ZNF292: variants seen among roughly 807,000 people sequenced by gnomAD.
The protein encoded by ZNF292 is 16 zinc-finger domain protein.
In ZNF292, 26 loss-of-function variants were observed where a neutral mutation model predicts 217.9. That is an observed-to-expected ratio of 0.12 (90% CI 0.09 to 0.17). The LOEUF is 0.17. Among genes scored for constraint, ZNF292 ranks in the 10% least tolerant of loss-of-function variants. The pLI is 1.00. For missense variants in ZNF292, 2,904 were observed against 3,175.2 expected, an observed-to-expected ratio of 0.91 and a Z score of 2.05; for synonymous variants, 1,257 against 1,124.1, an observed-to-expected ratio of 1.12 and a Z score of -2.37.
chr6:87,246,252 A>G (rs1774577146), intron 7 of ZNF292, among the ~76,000 whole-genome samples: 1 of 152,248 alleles, frequency 6.6e-6, no homozygotes, highest in African/African-American at 2.4e-5. Flanking sequence ...CAAACGAACA[A>G]AAAAAGAAAT....
In ZNF292 at chr6:87,261,720, T is replaced by G. The variant is rs1333947515; in HGVS notation, c.8091T>G (p.Leu2697=). 4 of 1,612,990 alleles carry G rather than the reference T, an allele frequency of 2.5e-6. No individual in the cohort carries two copies. Among genetic ancestry groups the G allele is most frequent in the Non-Finnish European group, 3.4e-6 (4 of 1,179,364 alleles). ...EMKPTVSLKK[L]EVHSNDPDMS... ...AACCTACCGTCAGTCTGAAAAAACTTGAAGTACATTCAAATGATCCAGATA... is the reference window on the plus strand; with the variant it reads ...AACCTACCGTCAGTCTGAAAAAACTGGAAGTACATTCAAATGATCCAGATA... The change falls in exon 8 of 8, where the codon CTT becomes CTG. Residue 2697 remains leucine, a synonymous_variant. Coordinates refer to ENST00000369577, the MANE Select transcript of ZNF292 (RefSeq NM_015021.3).
chr6:87,234,581 T>TAAAAAAAAAA (rs1773809720), intron 5 of ZNF292, among the ~76,000 whole-genome samples: 7 of 151,870 alleles, frequency 4.6e-5, no homozygotes, highest in African/African-American at 1.7e-4. Context: ...AAATTTTTTT[T>TAAAAAAAAAA]AAAGAAAACC....
intron 4 of ZNF292, among the ~76,000 whole-genome samples, chr6:87,228,670 A>G (rs1773493576): frequency 6.6e-6 from 1 of 152,154 alleles, no homozygotes; most frequent in Admixed American, 6.5e-5. Context: ...TTCCAGCACC[A>G]TTTGTTGAAG....
intron 1 of ZNF292, among the ~76,000 whole-genome samples, chr6:87,198,213 TTTA>T: frequency 6.7e-6 from 1 of 148,334 alleles, no homozygotes; most frequent in Non-Finnish European, 1.5e-5. Context: ...TATTTATTTA[TTTA>T]TTTTTTGAGA....
At chr6:87,181,959 C>T (rs1165212805) in intron 1 of ZNF292, among the ~76,000 whole-genome samples, 1 of 152,152 alleles carries the variant, frequency 6.6e-6, no homozygotes, top group Non-Finnish European at 1.5e-5. Context: ...GCTGAGATTA[C>T]AGGCGCCCGG....
At position 87,261,075 on chromosome 6, in the gene ZNF292, T is replaced by A; in HGVS notation, c.7446T>A (p.Asp2482Glu). ...EVEKNEKDEM[D>E]ELTELFITKL... ...AAAAAAATGAAAAAGATGAAATGGA[T>A]GAACTAACAGAATTGTTTATTACAA... Residue 2482 changes from aspartate to glutamate, a missense_variant, in exon 8 of 8, where the codon GAT (aspartate) becomes GAA (glutamate). Asp to Glu is a conservative substitution (Grantham distance 45). Coordinates refer to ENST00000369577, the MANE Select transcript of ZNF292 (RefSeq NM_015021.3). 2 of 1,608,306 alleles carry A rather than the reference T, an allele frequency of 1.2e-6. No homozygotes were observed. Among genetic ancestry groups the A allele is most frequent in the Non-Finnish European group, 1.7e-6 (2 of 1,177,160 alleles).
At chr6:87,193,698 G>A (rs192141571) in intron 1 of ZNF292, among the ~76,000 whole-genome samples, 31 of 152,256 alleles carry the variant, frequency 2.0e-4, no homozygotes, top group Admixed American at 1.4e-3. Context: ...AGCTCAGTGT[G>A]CACAACCTTT....
chr6:87,226,542 A>C (rs967652099), intron 4 of ZNF292, among the ~76,000 whole-genome samples: 1 of 150,548 alleles, frequency 6.6e-6, no homozygotes, highest in South Asian at 2.1e-4. Flanking sequence ...ATATGACCCA[A>C]AGTTTTCAGT....
chr6:87,187,940 T>C (rs1771714537), intron 1 of ZNF292, among the ~76,000 whole-genome samples: 1 of 152,168 alleles, frequency 6.6e-6, no homozygotes, highest in Non-Finnish European at 1.5e-5. Context: ...TATCTGCTTA[T>C]TACTGCCATA....
intron 1 of ZNF292, among the ~76,000 whole-genome samples, chr6:87,183,292 CAG>C (rs1218842823): frequency 6.6e-6 from 1 of 152,016 alleles, no homozygotes; most frequent in East Asian, 1.9e-4. Context: ...TAGACAGAAA[CAG>C]GGAATAAAAT....
chr6:87,164,875 G>A (rs1297194126), intron 1 of ZNF292, among the ~76,000 whole-genome samples: 2 of 148,848 alleles, frequency 1.3e-5, no homozygotes, highest in African/African-American at 5.0e-5. Flanking sequence ...CGAGTCTTCT[G>A]CCTCCGCCTC....
intron 5 of ZNF292, among the ~76,000 whole-genome samples, chr6:87,237,522 G>A (rs759433270): frequency 3.9e-5 from 6 of 152,194 alleles, no homozygotes; most frequent in Non-Finnish European, 7.3e-5. Context: ...GATTACACAC[G>A]TGAGCCACCG....
chr6:87,249,476 C>G (rs1774787223), intron 7 of ZNF292: 1 of 177,758 alleles, frequency 5.6e-6, no homozygotes, highest in East Asian at 1.8e-4. Flanking sequence ...GGTAATTGCT[C>G]TGTCCAAAAA....
rs558546496 is a variant in ZNF292, at chr6:87,190,803, C to G, written c.169-25100C>G. 2.6e-5 allele frequency among the ~76,000 whole-genome samples: 4 copies of G among 152,252 alleles called. 1 individual carries two copies. In the South Asian group the frequency reaches 8.3e-4, roughly 32 times the overall value. ...GAACATTTAAATAGTTAATAAACATCTTTGAAGCTATCTCTCTGGTACATA... is the reference window on the plus strand; with the variant it reads ...GAACATTTAAATAGTTAATAAACATGTTTGAAGCTATCTCTCTGGTACATA... On this transcript the variant is annotated intron_variant, in intron 1 of 7. Coordinates refer to ENST00000369577, the MANE Select transcript of ZNF292 (RefSeq NM_015021.3).
rs568926428 is a variant in ZNF292 at position 87,191,249 on chromosome 6, C to T, written c.169-24654C>T. On this transcript the variant is annotated intron_variant, in intron 1 of 7. Transcript: ENST00000369577. ...ACTAGAAGAATTGTCTTGAGCCACACATAAAATCCACTAATACTAATGATA... is the reference window on the plus strand; with the variant it reads ...ACTAGAAGAATTGTCTTGAGCCACATATAAAATCCACTAATACTAATGATA... 2.0e-5 allele frequency among the ~76,000 whole-genome samples: 3 copies of T among 151,672 alleles called. No individual in the cohort carries two copies. In the South Asian group the frequency reaches 6.2e-4, roughly 32 times the overall value.
In ZNF292 at chr6:87,257,563, G is replaced by T. The variant is rs546691929; in HGVS notation, c.3934G>T (p.Gly1312Trp). Residue 1312 changes from glycine (G) to tryptophan (W), a missense_variant, in exon 8 of 8, where the codon GGG becomes TGG. By Grantham distance (184) the Gly-to-Trp change is radical. Transcript: ENST00000369577. Reference sequence around the variant, plus strand: ...AAACACTAATTCCTCCTTTCTAAAGGGGGGTAATGGTGAAAATGCAGTTTT... The same window carrying T: ...AAACACTAATTCCTCCTTTCTAAAGTGGGGTAATGGTGAAAATGCAGTTTT... The part of the protein sequence containing the change: ...EGNTNSSFLK[G>W]GNGENAVFPS... 2 of 1,606,578 alleles carry T rather than the reference G, an allele frequency of 1.2e-6. No homozygotes were observed. Among genetic ancestry groups the T allele is most frequent in the South Asian group, 1.1e-5 (1 of 89,956 alleles).
intron 1 of ZNF292, among the ~76,000 whole-genome samples, chr6:87,189,055 A>G (rs1771747504): frequency 6.6e-6 from 1 of 151,932 alleles, no homozygotes. Flanking sequence ...AAATACAAAA[A>G]TTAGCTGGAT....
intron 1 of ZNF292, among the ~76,000 whole-genome samples, chr6:87,157,394 G>A (rs1049309512): frequency 1.3e-5 from 2 of 152,104 alleles, no homozygotes; most frequent in Non-Finnish European, 2.9e-5. Context: ...TTATTTTAGA[G>A]ATAAAAAAAT....
At chr6:87,185,975 T>TCTA (rs1390639797) in intron 1 of ZNF292, among the ~76,000 whole-genome samples, 105 of 152,264 alleles carry the variant, frequency 6.9e-4, no homozygotes, top group African/African-American at 2.3e-3. Flanking sequence ...ACCTAGTCCT[T>TCTA]TGGATTTTTA....
Sources: allele counts gnomAD v4.1 joint callset (sites outside exome capture counted in the v4.1 genomes callset), GRCh38; gene constraint gnomAD v4.1.1; transcripts MANE v1.5; gene names NCBI Gene and HGNC (gene_info 2026-07-23, HGNC 2026-07-21).